LRP1: variants seen among roughly 807,000 people sequenced by gnomAD.
LRP1 encodes prolow-density lipoprotein receptor-related protein 1.
In LRP1, 51 loss-of-function variants were observed where a neutral mutation model predicts 541.5. That is an observed-to-expected ratio of 0.09 (90% CI 0.08 to 0.12). The LOEUF (loss-of-function observed/expected upper bound fraction) is 0.12, where lower values mean the gene tolerates loss of function less well. Ranked by LOEUF, LRP1 falls within the 10% of genes least tolerant of loss-of-function variation. The pLI, the probability that LRP1 is intolerant of heterozygous loss-of-function variation, is 1.00. For synonymous variants in LRP1, 2,219 were observed against 2,470.8 expected (o/e 0.90, Z 3.02); for missense variants, 3,878 against 6,376.2 (o/e 0.61, Z 13.34).
chr12:57,201,772 G>A lies in LRP1; in HGVS notation c.10469-8G>A, dbSNP rs367951291. ...TCTCATCCTCACCCCATGCCCACCC[G>A]CTTGCAGCCCAGATGACCTGTGGTG... On this transcript the variant is annotated splice_polypyrimidine_tract_variant and splice_region_variant and intron_variant, in intron 66 of 88. Coordinates refer to ENST00000243077, the MANE Select transcript of LRP1 (RefSeq NM_002332.3). This position sits in a 1 kb window ranked among gnomAD's most constrained non-coding sequence, Gnocchi z 6.4. 20 of 1,613,446 alleles carry A rather than the reference G, an allele frequency of 1.2e-5. No homozygotes were observed. The highest frequency in any genetic ancestry group is 1.0e-4 in the Admixed American group (6 of 59,976).
chr12:57,201,959 G>T lies in LRP1; in HGVS notation c.10594+54G>T. The T allele has an allele frequency of 1.2e-6, 2 of 1,603,770 alleles. No individual in the cohort carries two copies. The highest frequency in any genetic ancestry group is 1.7e-5 in the Admixed American group (1 of 59,890). ...GACAGTCTACCTGGGTGGGAGGCATGGCACCCCTGGCAGGTGGAGGGCTGG... is the reference window on the plus strand; with the variant it reads ...GACAGTCTACCTGGGTGGGAGGCATTGCACCCCTGGCAGGTGGAGGGCTGG... On this transcript the variant is annotated intron_variant, in intron 67 of 88. Transcript: ENST00000243077. This position sits in a 1 kb window ranked among gnomAD's most constrained non-coding sequence, Gnocchi z 6.4.
At position 57,211,294 on chromosome 12, in the gene LRP1, C is replaced by A; in HGVS notation, c.13035C>A (p.Ser4345Arg). Residue 4345 changes from serine (S) to arginine (R), a missense_variant, in exon 84 of 89, where the codon AGC becomes AGA. Transcript: ENST00000243077. This position sits in a 1 kb window ranked among gnomAD's most constrained non-coding sequence, Gnocchi z 4.3. ...EGSRCEVNKC[S>R]RCLEGACVVN... ...CGAGGTGTGAGGTGAACAAGTGCAG[C>A]CGCTGTCTCGAAGGGGCCTGTGTGG... The A allele has an allele frequency of 6.2e-7, 1 of 1,614,212 alleles. No individual in the cohort carries two copies. Among genetic ancestry groups the A allele is most frequent in the African/African-American group, 1.3e-5 (1 of 75,068 alleles).
chr12:57,197,670 GC>G lies in LRP1; in HGVS notation c.9282+7del, dbSNP rs2036566076. On this transcript the variant is annotated splice_region_variant and intron_variant, in intron 58 of 88. Transcript: ENST00000243077. The surrounding 1 kb of genome is among the most constrained non-coding windows in gnomAD (Gnocchi z 4.5). ...TTAACGGGAGCAATGTGCAGGTGAG[GC>G]GGGCGGCCCTCGGCGACCAACACTG... 2 of 1,612,556 alleles carry G rather than the reference GC, an allele frequency of 1.2e-6. No individual in the cohort carries two copies. The highest frequency in any genetic ancestry group is 2.2e-5 in the South Asian group (2 of 91,016).
rs34837207 is a variant in LRP1 at position 57,211,720 on chromosome 12, C to T, written c.13194-30C>T. ...GGCAGCAGTGGCTATGGAGGTTATA[C>T]CTACTCAGCCGTGTCCCTCCTTTCT... On this transcript the variant is annotated intron_variant, in intron 85 of 88. Transcript: ENST00000243077. The surrounding 1 kb of genome is among the most constrained non-coding windows in gnomAD (Gnocchi z 4.3). The T allele has an allele frequency of 2.2e-4, 354 of 1,611,218 alleles. No individual in the cohort carries two copies. In the African/African-American group the frequency reaches 4.2e-3, roughly 19 times the overall value.
At chr12:57,200,883 C>T (rs1280559531) in intron 64 of LRP1, 68 bp downstream of exon 64, 1 of 1,320,792 alleles carries the variant, frequency 7.6e-7, no homozygotes, top group Middle Eastern at 2.4e-4. Flanking sequence ...TTGGGGCTTT[C>T]AAGTGCAGGG....
At chr12:57,146,036 G>A (rs2035399578) in intron 6 of LRP1, among the ~76,000 whole-genome samples, 2 of 152,264 alleles carry the variant, frequency 1.3e-5, no homozygotes, top group Admixed American at 6.5e-5. Context: ...TGGGAGAGGA[G>A]CGTGAGCCAC....
intron 3 of LRP1, among the ~76,000 whole-genome samples, chr12:57,142,533 G>A (rs1342535201): frequency 2.6e-5 from 4 of 152,238 alleles, no homozygotes; most frequent in East Asian, 1.9e-4. Context: ...TGCAGAATGC[G>A]GGCCTGGGGG....
rs2036746529 is a variant in LRP1, at chr12:57,205,238, A to T, written c.11324A>T (p.Asp3775Val). Residue 3775 changes from aspartate (D) to valine (V), a missense_variant, in exon 73 of 89, where the codon GAC becomes GTC. Physicochemically the swap from Asp to Val is radical, Grantham distance 152. Coordinates refer to ENST00000243077, the MANE Select transcript of LRP1 (RefSeq NM_002332.3). The surrounding 1 kb of genome is among the most constrained non-coding windows in gnomAD (Gnocchi z 4.6). The stretch of plus-strand genomic sequence containing the variant: ...TGCGGGGACGGCTCTGACGAGGAGG[A>T]CTGCAGCATCGGTGAGGCCCGGCAG... ...DDCGDGSDEEDCSIDPKLTSC... is the reference protein window; with the variant it reads ...DDCGDGSDEEVCSIDPKLTSC... 6.2e-7 allele frequency: 1 copy of T among 1,611,374 alleles called. No individual in the cohort carries two copies.
intron 33 of LRP1, 112 bp from the exon 34 acceptor site, chr12:57,181,045 A>G: frequency 7.2e-7 from 1 of 1,385,674 alleles, no homozygotes; most frequent in Non-Finnish European, 9.8e-7. Flanking sequence ...GGTGACCCCC[A>G]TTAGGTCCAG....
chr12:57,207,728 A>C (rs1281505191), intron 76 of LRP1, among the ~76,000 whole-genome samples: 1 of 152,200 alleles, frequency 6.6e-6, no homozygotes, highest in Non-Finnish European at 1.5e-5. Context: ...GCCCTCCGGC[A>C]CCAATCCCCC....
At chr12:57,200,407 C>T in intron 62 of LRP1, 35 bp from the exon 63 acceptor site, 1 of 1,200,732 alleles carries the variant, frequency 8.3e-7, no homozygotes. Context: ...CCCCCAGACC[C>T]CCACCAACCC....
At chr12:57,195,627 G>A in intron 52 of LRP1, 31 bp from the exon 53 acceptor site, 1 of 1,613,912 alleles carries the variant, frequency 6.2e-7, no homozygotes, top group South Asian at 1.1e-5. Context: ...GCCAGGCAGG[G>A]CTGAAGGGCT....
intron 6 of LRP1, chr12:57,149,934 A>G (rs2035494927): frequency 1.7e-6 from 1 of 602,560 alleles, no homozygotes; most frequent in Non-Finnish European, 3.0e-6. Flanking sequence ...GTCCTCTCCC[A>G]CTGTCTTGGA....
chr12:57,160,539 C>T (rs1162095588), intron 12 of LRP1, among the ~76,000 whole-genome samples: 5 of 152,146 alleles, frequency 3.3e-5, no homozygotes, highest in Non-Finnish European at 7.4e-5. Context: ...ACACCCCCAC[C>T]TGCAGCCCGG....
At position 57,158,511 on chromosome 12, in the gene LRP1, C is replaced by T. The variant is rs1437193307; in HGVS notation, c.1671C>T (p.Asn557=). The part of the protein sequence containing the change: ...VPDEHMIPIE[N]LMNPRALDFH... ...ATGAGCACATGATCCCCATTGAAAA[C>T]CTCATGAACCCCCGAGCCCTGGACT... Residue 557 remains asparagine, a synonymous_variant, in exon 11 of 89, where the codon AAC becomes AAT. Coordinates refer to ENST00000243077, the MANE Select transcript of LRP1 (RefSeq NM_002332.3). The surrounding 1 kb of genome is among the most constrained non-coding windows in gnomAD (Gnocchi z 5.3). 6.2e-7 allele frequency: 1 copy of T among 1,614,230 alleles called. No individual in the cohort carries two copies. Among genetic ancestry groups the T allele is most frequent in the South Asian group, 1.1e-5 (1 of 91,086 alleles).
Position 57,177,017 on chromosome 12 carries a change from CT to C in LRP1, c.3992-21del, listed in dbSNP as rs2036060898. Reference sequence around the variant, plus strand: ...GCACAGCTCCCCAGGAGACGCTAACCTTTCACTGCCCTCTCTTCTCCAGCCC... The same window carrying C: ...GCACAGCTCCCCAGGAGACGCTAACCTTCACTGCCCTCTCTTCTCCAGCCC... On this transcript the variant is annotated intron_variant, in intron 24 of 88. Transcript: ENST00000243077. This position sits in a 1 kb window ranked among gnomAD's most constrained non-coding sequence, Gnocchi z 6.8. The C allele has an allele frequency of 6.2e-7, 1 of 1,605,500 alleles. No individual in the cohort carries two copies. The highest frequency in any genetic ancestry group is 1.7e-5 in the Admixed American group (1 of 60,008).
At chr12:57,203,115 G>A in intron 68 of LRP1, 66 bp from the exon 69 acceptor site, 2 of 1,165,568 alleles carry the variant, frequency 1.7e-6, no homozygotes. Flanking sequence ...TCGGGACTGT[G>A]GCACTACTGA....
chr12:57,142,210 C>G (rs902671506), intron 3 of LRP1, among the ~76,000 whole-genome samples: 1 of 152,218 alleles, frequency 6.6e-6, no homozygotes, highest in Non-Finnish European at 1.5e-5. Context: ...GAGTCGTGTC[C>G]GGGGAGGCAG....
At position 57,202,394 on chromosome 12, in the gene LRP1, G is replaced by A. The variant is rs776347923; in HGVS notation, c.10595-27G>A. On this transcript the variant is annotated intron_variant, in intron 67 of 88. Coordinates refer to ENST00000243077, the MANE Select transcript of LRP1 (RefSeq NM_002332.3). ...TAATGTCTGCCCCAGCCCTTTCCCTGACTGCCCTGACACTTGCCTCCTCCA... is the reference window on the plus strand; with the variant it reads ...TAATGTCTGCCCCAGCCCTTTCCCTAACTGCCCTGACACTTGCCTCCTCCA... 3 of 1,550,126 alleles carry A rather than the reference G, an allele frequency of 1.9e-6. No homozygotes were observed. The Admixed American group carries it at 5.0e-5, about 26-fold the overall frequency.
Sources: gnomAD v4.1 joint callset for allele counts (sites outside exome capture counted in the v4.1 genomes callset) on GRCh38, gnomAD v4.1.1 for gene constraint, Gnocchi (gnomAD v3.1) non-coding constraint, MANE v1.5 for transcripts, NCBI Gene and HGNC (gene_info 2026-07-23, HGNC 2026-07-21) for gene names.